Variants in TBC1D32 observed in about 807,000 individuals in gnomAD.
TBC1D32 encodes the protein TBC1 domain family member 32.
Under a neutral mutation model 170.3 loss-of-function variants are expected in TBC1D32, and 151 were observed. That is an observed-to-expected ratio of 0.89 (90% CI 0.78 to 1.01). The LOEUF (loss-of-function observed/expected upper bound fraction) is 1.01, where lower values mean the gene tolerates loss of function less well. Ranked by LOEUF, TBC1D32 falls within the 50% of genes least tolerant of loss-of-function variation. TBC1D32 has a pLI of 0.00. For synonymous variants in TBC1D32, 498 were observed against 488.0 expected, an observed-to-expected ratio of 1.02 and a Z score of -0.27; for missense variants, 1,464 against 1,457.1, an observed-to-expected ratio of 1.00 and a Z score of -0.08.
intron 22 of TBC1D32, among the ~76,000 whole-genome samples, chr6:121,180,962 C>T (rs1029349999): frequency 2.6e-5 from 4 of 152,010 alleles, no homozygotes; most frequent in African/African-American, 9.6e-5. Context: ...AGAAGACATA[C>T]AAATGGCCAA....
chr6:121,304,859 C>A, intron 5 of TBC1D32, 26 bp from the exon 6 acceptor site: 1 of 1,473,208 alleles, frequency 6.8e-7, no homozygotes, highest in South Asian at 1.2e-5. Context: ...AGAAAATTTG[C>A]ATCTAAGATC....
At chr6:121,266,294 G>A (rs1800472127) in intron 15 of TBC1D32, among the ~76,000 whole-genome samples, 3 of 152,088 alleles carry the variant, frequency 2.0e-5, no homozygotes, top group South Asian at 4.1e-4. Context: ...CATTTATGCA[G>A]CCAACAAACC....
intron 21 of TBC1D32, among the ~76,000 whole-genome samples, chr6:121,212,594 A>G (rs1021027094): frequency 6.6e-6 from 1 of 151,528 alleles, no homozygotes; most frequent in Non-Finnish European, 1.5e-5. Context: ...AGCTGGGATT[A>G]CAGGCATGTG....
chr6:121,142,777 G>T (rs1782957460), intron 24 of TBC1D32, among the ~76,000 whole-genome samples: 1 of 152,106 alleles, frequency 6.6e-6, no homozygotes, highest in Non-Finnish European at 1.5e-5. Flanking sequence ...TAGTAGAGTG[G>T]ACTAGCCAAT....
At chr6:121,128,566 T>G (rs1781097118) in intron 25 of TBC1D32, among the ~76,000 whole-genome samples, 1 of 152,128 alleles carries the variant, frequency 6.6e-6, no homozygotes, top group Admixed American at 6.6e-5. Context: ...TAAAGTAAAT[T>G]TTTACATTTT....
intron 22 of TBC1D32, among the ~76,000 whole-genome samples, chr6:121,181,765 T>C (rs1391813005): frequency 6.6e-6 from 1 of 152,130 alleles, no homozygotes; most frequent in African/African-American, 2.4e-5. Flanking sequence ...ACGTAATACA[T>C]TTACTAAACG....
At chr6:121,160,202 T>C (rs1583023261) in intron 23 of TBC1D32, 99 bp from the exon 24 acceptor site, 1 of 794,146 alleles carries the variant, frequency 1.3e-6, no homozygotes, top group East Asian at 2.6e-5. Context: ...TGGCTTTTCT[T>C]GCTCATAAAT....
intron 22 of TBC1D32, chr6:121,192,632 A>C (rs1237106577): frequency 6.6e-6 from 1 of 152,186 alleles, no homozygotes; most frequent in Non-Finnish European, 1.5e-5. Flanking sequence ...GCACAGCCTC[A>C]CCAGATATCT....
chr6:121,160,442 T>G (rs1033262547), intron 23 of TBC1D32, among the ~76,000 whole-genome samples: 3 of 148,936 alleles, frequency 2.0e-5, no homozygotes, highest in Non-Finnish European at 4.4e-5. Context: ...CCACAAAACT[T>G]TTTCTCGTGC....
intron 29 of TBC1D32, among the ~76,000 whole-genome samples, chr6:121,109,762 G>A (rs1779027903): frequency 6.6e-6 from 1 of 151,948 alleles, no homozygotes; most frequent in Admixed American, 6.6e-5. Flanking sequence ...TCTCATATGA[G>A]TAATATAGTC....
chr6:121,253,762 G>GTATGCA (rs1798608699), intron 17 of TBC1D32, among the ~76,000 whole-genome samples: 1 of 152,076 alleles, frequency 6.6e-6, no homozygotes, highest in African/African-American at 2.4e-5. Context: ...TATGCATGTG[G>GTATGCA]TGGGACACTT....
intron 15 of TBC1D32, among the ~76,000 whole-genome samples, chr6:121,264,193 A>T (rs975751595): frequency 1.3e-5 from 2 of 152,164 alleles, no homozygotes; most frequent in African/African-American, 4.8e-5. Context: ...AGATTAATAA[A>T]GAAGAAAAGA....
chr6:121,285,244 T>C (rs1803615955), intron 12 of TBC1D32, among the ~76,000 whole-genome samples: 2 of 152,184 alleles, frequency 1.3e-5, no homozygotes, highest in Non-Finnish European at 2.9e-5. Flanking sequence ...ACAGCTATGA[T>C]TTATTATAAC....
chr6:121,236,415 G>T (rs1011962604), intron 20 of TBC1D32, among the ~76,000 whole-genome samples: 4 of 152,078 alleles, frequency 2.6e-5, no homozygotes, highest in African/African-American at 7.2e-5. Context: ...GAAGATGAAG[G>T]ATGGGGACTA....
At chr6:121,205,388 A>G (rs1225933154) in intron 21 of TBC1D32, among the ~76,000 whole-genome samples, 1 of 152,174 alleles carries the variant, frequency 6.6e-6, no homozygotes, top group Non-Finnish European at 1.5e-5. Flanking sequence ...TGTGGCCTAG[A>G]TTTACATTAG....
intron 14 of TBC1D32, 89 bp downstream of exon 14, chr6:121,281,455 A>T: frequency 9.7e-7 from 1 of 1,032,904 alleles, no homozygotes; most frequent in Non-Finnish European, 1.4e-6. Flanking sequence ...AGCATAATAA[A>T]ATATTTCAAA....
chr6:121,187,754 CAAAAAA>C (rs67915120), intron 22 of TBC1D32, among the ~76,000 whole-genome samples: 28 of 128,630 alleles, frequency 2.2e-4, no homozygotes, highest in Non-Finnish European at 3.1e-4. Flanking sequence ...TGCTCAGGGC[CAAAAAA>C]AAAAAAAAAA....
intron 15 of TBC1D32, among the ~76,000 whole-genome samples, chr6:121,270,643 C>G (rs550004083): frequency 1.2e-4 from 18 of 152,222 alleles, no homozygotes; most frequent in Admixed American, 2.0e-4. Flanking sequence ...AAAAAAAGTC[C>G]AGGACCAGAC....
At chr6:121,213,524 T>TAAAATAAATAAAATAAAATA (rs371151560) in intron 21 of TBC1D32, among the ~76,000 whole-genome samples, 19 of 31,204 alleles carry the variant, frequency 6.1e-4, no homozygotes, top group East Asian at 5.2e-3. Context: ...TAAAATAAAA[T>TAAAATAAATAAAATAAAATA]AAATAAAATA....
Sources: allele counts gnomAD v4.1 joint callset (sites outside exome capture counted in the v4.1 genomes callset), GRCh38; gene constraint gnomAD v4.1.1; transcripts MANE v1.5; gene names NCBI Gene and HGNC (gene_info 2026-07-23, HGNC 2026-07-21).